The following RRP1B variants were observed in gnomAD, a reference collection of about 807,000 sequenced individuals.
The protein encoded by RRP1B is ribosomal RNA processing 1B.
A neutral mutation model predicts 80.2 loss-of-function variants in RRP1B; 56 were observed. That is an observed-to-expected ratio of 0.70 (90% confidence interval 0.56 to 0.87). The LOEUF (loss-of-function observed/expected upper bound fraction) is 0.87. Among genes scored for constraint, RRP1B ranks in the 40% least tolerant of loss-of-function variants. The probability of loss-of-function intolerance (pLI) is 0.00; values close to 1 mark genes in which losing one functional copy is unlikely to be tolerated. For synonymous variants in RRP1B, 351 were observed against 357.6 expected (o/e 0.98, Z 0.21); for missense variants, 807 against 939.8 (o/e 0.86, Z 1.85).
chr21:43,689,974 G>T (rs2083079860), intron 13 of RRP1B, among the ~76,000 whole-genome samples: 1 of 152,278 alleles, frequency 6.6e-6, no homozygotes, highest in South Asian at 2.1e-4. Flanking sequence ...AAATGGGAGA[G>T]TCGATCTTAT....
intron 14 of RRP1B, 66 bp downstream of exon 14, chr21:43,690,506 C>G (rs776014353): frequency 2.0e-4 from 316 of 1,548,402 alleles, no homozygotes; most frequent in Non-Finnish European, 2.6e-4. Flanking sequence ...CTTGAGCTGA[C>G]AGTGCTTCCC....
intron 1 of RRP1B, among the ~76,000 whole-genome samples, chr21:43,664,826 A>G (rs1471822298): frequency 6.6e-6 from 1 of 152,220 alleles, no homozygotes; most frequent in Non-Finnish European, 1.5e-5. Flanking sequence ...GCAAGCGGGT[A>G]TGTGCAGGAG....
In RRP1B at chr21:43,690,289, G is replaced by T. The variant is rs766223060; in HGVS notation, c.1868G>T (p.Gly623Val). ...ESEAGQPQAL[G>V]SSGTCSSLKK... ...GCTTCTCACCCCTCGCTCACGTAGGGAAGCAGTGGGACTTGCAGTTCCCTG... is the reference window on the plus strand; with the variant it reads ...GCTTCTCACCCCTCGCTCACGTAGGTAAGCAGTGGGACTTGCAGTTCCCTG... Residue 623 changes from glycine to valine, a missense_variant and splice_region_variant, in exon 14 of 16, where the codon GGA (glycine) becomes GTA (valine). Physicochemically the swap from Gly to Val is moderately radical, Grantham distance 109 (BLOSUM62 -3). Transcript: ENST00000340648. 1 of 1,614,204 alleles carries T rather than the reference G, an allele frequency of 6.2e-7. No individual in the cohort carries two copies. Among genetic ancestry groups the T allele is most frequent in the African/African-American group, 1.3e-5 (1 of 75,066 alleles).
rs538807611 is a variant in RRP1B, at chr21:43,684,075, A to ATTT, written c.892-466_892-464dup. 8.5e-4 allele frequency among the ~76,000 whole-genome samples: 116 copies of ATTT among 135,860 alleles called. 2 individuals are homozygous for ATTT. The highest frequency in any genetic ancestry group is 3.1e-3 in the African/African-American group (109 of 34,668). The allele number at this position is 135,860 out of a possible 152,430, so 89.1% of individuals were successfully genotyped here. A position where few individuals can be genotyped will look rare whatever the true frequency, so the allele number is the denominator to read the frequency against. ...GCTTACCCAGCTTTTCCCAAGAATA[A>ATTT]TTTTTTTTTTTTTTGAGACAGAGTC... On this transcript the variant is annotated intron_variant, in intron 9 of 15. Transcript: ENST00000340648.
rs745667517 is a variant in RRP1B, at chr21:43,693,163, A to G, written c.2084-27A>G. ...GGGACAGCTGTCGGACCCACTTAAT[A>G]TGGGGCCTTGCTCTCATTTGGGACA... On this transcript the variant is annotated intron_variant, in intron 15 of 15. Coordinates refer to ENST00000340648, the MANE Select transcript of RRP1B (RefSeq NM_015056.3). The surrounding 1 kb of genome is among the most constrained non-coding windows in gnomAD (Gnocchi z 4.1). 3 of 1,612,322 alleles carry G rather than the reference A, an allele frequency of 1.9e-6. No homozygotes were observed. Among genetic ancestry groups the G allele is most frequent in the Non-Finnish European group, 2.5e-6 (3 of 1,179,222 alleles).
chr21:43,678,402 A>G (rs1013016544), intron 8 of RRP1B, among the ~76,000 whole-genome samples: 22 of 152,016 alleles, frequency 1.4e-4, no homozygotes, highest in African/African-American at 5.3e-4. Context: ...TCAGGTGATC[A>G]CCCACCTCGG....
intron 3 of RRP1B, among the ~76,000 whole-genome samples, chr21:43,673,259 A>C (rs2083007057): frequency 6.6e-6 from 1 of 152,208 alleles, no homozygotes; most frequent in South Asian, 2.1e-4. Flanking sequence ...GCAGTGGATA[A>C]AGGAAAAATG....
Position 43,695,058 on chromosome 21 carries a change from A to AC in RRP1B, c.*1676dup, listed in dbSNP as rs1339425102. The stretch of plus-strand genomic sequence containing the variant: ...AATCGTCACTGTAATGAGAAGTCTT[A>AC]CGTACAACATAGCTGTGGTGGCTTA... On this transcript the variant is annotated 3_prime_UTR_variant, in exon 16 of 16. Transcript: ENST00000340648. 1 of 119,334 alleles carries AC rather than the reference A, an allele frequency of 8.4e-6. No homozygotes were observed. The highest frequency in any genetic ancestry group is 1.6e-5 in the Non-Finnish European group (1 of 60,774). The allele number at this position is 119,334 out of a possible 1,614,324, so 7.4% of individuals were successfully genotyped here. A position where few individuals can be genotyped will look rare whatever the true frequency, so the allele number is the denominator to read the frequency against.
At chr21:43,660,798 A>C (rs1272209788) in intron 1 of RRP1B, among the ~76,000 whole-genome samples, 4 of 152,250 alleles carry the variant, frequency 2.6e-5, no homozygotes, top group African/African-American at 9.6e-5. Context: ...TTATGAGATG[A>C]AGTTGGAGAT....
At chr21:43,688,754 C>G (rs1452436067) in intron 13 of RRP1B, among the ~76,000 whole-genome samples, 1 of 152,166 alleles carries the variant, frequency 6.6e-6, no homozygotes, top group Non-Finnish European at 1.5e-5. Flanking sequence ...AAAGACTTTC[C>G]TTCCACTTTG....
chr21:43,668,284 C>G (rs1351446109), intron 1 of RRP1B, among the ~76,000 whole-genome samples: 1 of 150,728 alleles, frequency 6.6e-6, no homozygotes, highest in Non-Finnish European at 1.5e-5. Flanking sequence ...AAGTGGAAAT[C>G]AATACCTGTA....
At chr21:43,688,637 C>A (rs1247274401) in intron 13 of RRP1B, among the ~76,000 whole-genome samples, 1 of 152,258 alleles carries the variant, frequency 6.6e-6, no homozygotes, top group Non-Finnish European at 1.5e-5. Flanking sequence ...GCCCAAAATT[C>A]TCTTGCTTCA....
At chr21:43,675,843 CATTTTATTTTATTTT>C (rs374076927) in intron 6 of RRP1B, among the ~76,000 whole-genome samples, 5,994 of 142,928 alleles carry the variant, frequency 0.042, 415 homozygotes, top group African/African-American at 0.14. Flanking sequence ...GGGTATTTTG[CATTTTATTTTATTTT>C]ATTTTATTTT....
At chr21:43,677,623 G>T (rs188944217) in intron 8 of RRP1B, among the ~76,000 whole-genome samples, 4 of 152,146 alleles carry the variant, frequency 2.6e-5, no homozygotes, top group African/African-American at 7.2e-5. Context: ...TTTAAAGCAG[G>T]GTACAAACTC....
At chr21:43,669,125 C>T (rs1389484971) in intron 1 of RRP1B, among the ~76,000 whole-genome samples, 1 of 150,744 alleles carries the variant, frequency 6.6e-6, no homozygotes, top group Admixed American at 6.6e-5. Flanking sequence ...CTGGTGATGC[C>T]ACAGTAAATG....
chr21:43,690,357 G>A lies in RRP1B; in HGVS notation c.1936G>A (p.Asp646Asn). ...LRAESDFVKF[D>N]TPFLPKPLFF... ...GGCAGAGAGCGACTTTGTGAAGTTTGACACCCCCTTCTTACCAAAGCCCCT... is the reference window on the plus strand; with the variant it reads ...GGCAGAGAGCGACTTTGTGAAGTTTAACACCCCCTTCTTACCAAAGCCCCT... The change falls in exon 14 of 16, where the codon GAC becomes AAC. Residue 646 changes from aspartate to asparagine, a missense_variant. By Grantham distance (23) the Asp-to-Asn change is conservative (BLOSUM62 1). Coordinates refer to ENST00000340648, the MANE Select transcript of RRP1B (RefSeq NM_015056.3). 2.5e-6 allele frequency: 4 copies of A among 1,614,202 alleles called. No individual in the cohort carries two copies. The highest frequency in any genetic ancestry group is 3.4e-6 in the Non-Finnish European group (4 of 1,180,024).
At position 43,687,975 on chromosome 21, in the gene RRP1B, G is replaced by A; in HGVS notation, c.1601G>A (p.Gly534Asp). 1 of 1,613,180 alleles carries A rather than the reference G, an allele frequency of 6.2e-7. No individual in the cohort carries two copies. Among genetic ancestry groups the A allele is most frequent in the Non-Finnish European group, 8.5e-7 (1 of 1,180,036 alleles). ...AAACTTGGAGTTGTGCCCGTCAATG[G>A]CAGTGGCCTGTCCACGCCGGCCTGG... is the stretch of plus-strand genomic sequence containing the variant. ...KRKLGVVPVN[G>D]SGLSTPAWPP... Residue 534 changes from glycine (G) to aspartate (D), a missense_variant, in exon 13 of 16, where the codon GGC becomes GAC. Physicochemically the swap from Gly to Asp is moderately conservative, Grantham distance 94. Transcript: ENST00000340648.
intron 5 of RRP1B, 33 bp from the exon 6 acceptor site, chr21:43,675,001 G>A (rs1285785537): frequency 6.2e-7 from 1 of 1,612,120 alleles, no homozygotes; most frequent in Non-Finnish European, 8.5e-7. Context: ...TTGGCATACT[G>A]TCATTCACAG....
rs576772443 is a variant in RRP1B at position 43,684,124 on chromosome 21, T to C, written c.892-429T>C. ...TCGCACTCTGTCTCCCAGGCTGGAG[T>C]GCGGTGGCTCGATCTCGGCTCACTG... On this transcript the variant is annotated intron_variant, in intron 9 of 15. Transcript: ENST00000340648. 2.7e-5 allele frequency among the ~76,000 whole-genome samples: 4 copies of C among 147,694 alleles called. No individual in the cohort carries two copies. The South Asian group carries it at 8.6e-4, about 32-fold the overall frequency.
Sources: allele counts gnomAD v4.1 joint callset (sites outside exome capture counted in the v4.1 genomes callset), GRCh38; gene constraint gnomAD v4.1.1; non-coding constraint Gnocchi (gnomAD v3.1); transcripts MANE v1.5; gene names NCBI Gene and HGNC (gene_info 2026-07-23, HGNC 2026-07-21).